RYR3: variants seen among roughly 807,000 people sequenced by gnomAD.
RYR3 encodes the protein brain ryanodine receptor-calcium release channel.
Under a neutral mutation model 584.3 loss-of-function variants are expected in RYR3, and 207 were observed. That is an observed-to-expected ratio of 0.35 (90% CI 0.32 to 0.40). RYR3 has a LOEUF of 0.40. RYR3 is among the 10% of genes least tolerant of loss of function. The pLI is 1.00. For synonymous variants in RYR3, 2,416 were observed against 2,248.5 expected (o/e 1.07, Z -2.11); for missense variants, 5,616 against 6,089.2 (o/e 0.92, Z 2.59).
chr15:33,738,549 G>A lies in RYR3; in HGVS notation c.7615G>A (p.Glu2539Lys). 1 of 1,613,978 alleles carries A rather than the reference G, an allele frequency of 6.2e-7. No homozygotes were observed. Among genetic ancestry groups the A allele is most frequent in the South Asian group, 1.1e-5 (1 of 91,082 alleles). Residue 2539 changes from glutamate to lysine, a missense_variant, in exon 50 of 104, where the codon GAG becomes AAG. Coordinates refer to ENST00000634891, the MANE Select transcript of RYR3 (RefSeq NM_001036.6). ...LAVEEELHLTEKLFWGIFDSL... is the reference protein window; with the variant it reads ...LAVEEELHLTKKLFWGIFDSL... ...TGTGGAAGAAGAGCTGCACCTAACGGAGAAGCTTTTCTGGGGGATTTTTGA... is the reference window on the plus strand; with the variant it reads ...TGTGGAAGAAGAGCTGCACCTAACGAAGAAGCTTTTCTGGGGGATTTTTGA...
chr15:33,527,090 C>T (rs534338260), intron 3 of RYR3, among the ~76,000 whole-genome samples: 17 of 152,176 alleles, frequency 1.1e-4, no homozygotes, highest in African/African-American at 3.9e-4. Flanking sequence ...GAGCGTGCTG[C>T]TGGCAGGTGA....
chr15:33,326,544 G>A (rs1470900699), intron 1 of RYR3, among the ~76,000 whole-genome samples: 1 of 152,174 alleles, frequency 6.6e-6, no homozygotes, highest in African/African-American at 2.4e-5. Flanking sequence ...TGAAAAGAGA[G>A]GGAACATTTG....
chr15:33,551,016 G>A (rs1363909991), intron 10 of RYR3, among the ~76,000 whole-genome samples: 3 of 152,174 alleles, frequency 2.0e-5, no homozygotes, highest in Non-Finnish European at 4.4e-5. Context: ...TGATGTGTAT[G>A]TAGACAACTA....
intron 69 of RYR3, among the ~76,000 whole-genome samples, chr15:33,806,703 C>A (rs537456714): frequency 1.6e-4 from 24 of 151,888 alleles, no homozygotes; most frequent in African/African-American, 5.5e-4. Flanking sequence ...TTTGGTGATT[C>A]TGAATCACTT....
At chr15:33,514,551 C>T (rs962664672) in intron 3 of RYR3, among the ~76,000 whole-genome samples, 1 of 151,844 alleles carries the variant, frequency 6.6e-6, no homozygotes, top group African/African-American at 2.4e-5. Flanking sequence ...TGGAGCCATT[C>T]CTTAAAATAC....
At chr15:33,716,832 A>C (rs17817542) in intron 43 of RYR3, among the ~76,000 whole-genome samples, 43,875 of 151,714 alleles carry the variant, frequency 0.29, 7,906 homozygotes, top group East Asian at 0.64. Context: ...GTAGTAAGTG[A>C]AGCCTGATAC....
At chr15:33,435,603 C>G (rs1263039149) in intron 1 of RYR3, among the ~76,000 whole-genome samples, 1 of 152,168 alleles carries the variant, frequency 6.6e-6, no homozygotes, top group Non-Finnish European at 1.5e-5. Flanking sequence ...TTGTGTCTCG[C>G]ATTTATTCCT....
chr15:33,336,701 GC>G lies in RYR3; in HGVS notation c.51+25606del, dbSNP rs758749284. Among the ~76,000 whole-genome samples, 25 of 151,746 alleles carry G rather than the reference GC, an allele frequency of 1.6e-4. No individual in the cohort carries two copies. In the East Asian group the frequency reaches 3.3e-3, roughly 20 times the overall value. ...GCTCCATGCAAAGGAGAAAGAAGAAGCTGTGCAGGGGAATCTAAGAATGCCT... is the reference window on the plus strand; with the variant it reads ...GCTCCATGCAAAGGAGAAAGAAGAAGTGTGCAGGGGAATCTAAGAATGCCT... On this transcript the variant is annotated intron_variant, in intron 1 of 103. Coordinates refer to ENST00000634891, the MANE Select transcript of RYR3 (RefSeq NM_001036.6).
At chr15:33,787,035 G>T (rs534348198) in intron 66 of RYR3, among the ~76,000 whole-genome samples, 1 of 152,260 alleles carries the variant, frequency 6.6e-6, no homozygotes, top group Non-Finnish European at 1.5e-5. Context: ...GGAAGGAAAG[G>T]TTTCAAAAAA....
intron 98 of RYR3, 33 bp downstream of exon 98, chr15:33,854,945 C>G (rs925668343): frequency 1.3e-6 from 2 of 1,580,894 alleles, no homozygotes; most frequent in Admixed American, 1.8e-5. Context: ...ACAGAATGGA[C>G]CTGTATATGC....
At chr15:33,739,782 A>G (rs768595883) in intron 50 of RYR3, 50 bp from the exon 51 acceptor site, 2 of 1,524,252 alleles carry the variant, frequency 1.3e-6, no homozygotes, top group East Asian at 4.5e-5. Context: ...TTCTGTCTAA[A>G]GGCATGGTTC....
At chr15:33,664,364 A>G (rs2063350160) in intron 36 of RYR3, among the ~76,000 whole-genome samples, 1 of 151,982 alleles carries the variant, frequency 6.6e-6, no homozygotes. Flanking sequence ...TCAAGATCCT[A>G]GTGAGAAATT....
At chr15:33,365,976 T>G (rs1312741112) in intron 1 of RYR3, among the ~76,000 whole-genome samples, 1 of 152,124 alleles carries the variant, frequency 6.6e-6, no homozygotes, top group Admixed American at 6.6e-5. Flanking sequence ...ATATCACCAG[T>G]TCATAAGGCA....
chr15:33,834,467 ATTTCT>A (rs1043646746), intron 86 of RYR3, among the ~76,000 whole-genome samples: 1 of 130,972 alleles, frequency 7.6e-6, no homozygotes, highest in African/African-American at 2.9e-5. Flanking sequence ...TATTACACAG[ATTTCT>A]TTTCTTTTTT....
At chr15:33,505,102 G>C (rs1046429177) in intron 3 of RYR3, among the ~76,000 whole-genome samples, 1 of 152,128 alleles carries the variant, frequency 6.6e-6, no homozygotes, top group East Asian at 1.9e-4. Flanking sequence ...GTTTGTTCTC[G>C]CTTGAAGTTG....
intron 72 of RYR3, among the ~76,000 whole-genome samples, chr15:33,812,096 T>G (rs2152947673): frequency 6.6e-6 from 1 of 152,216 alleles, no homozygotes; most frequent in Admixed American, 6.5e-5. Context: ...GGGACCTAAT[T>G]ACCCACACTA....
At chr15:33,563,211 A>G (rs1054742430) in intron 11 of RYR3, among the ~76,000 whole-genome samples, 1 of 152,202 alleles carries the variant, frequency 6.6e-6, no homozygotes, top group Non-Finnish European at 1.5e-5. Flanking sequence ...TCAATGGGGG[A>G]AAAAACAAAT....
At position 33,601,567 on chromosome 15, in the gene RYR3, A is replaced by G; in HGVS notation, c.1922+15A>G. 1 of 1,613,560 alleles carries G rather than the reference A, an allele frequency of 6.2e-7. No individual in the cohort carries two copies. The highest frequency in any genetic ancestry group is 8.5e-7 in the Non-Finnish European group (1 of 1,179,622). On this transcript the variant is annotated intron_variant, in intron 17 of 103. Coordinates refer to ENST00000634891, the MANE Select transcript of RYR3 (RefSeq NM_001036.6). ...GATGTAACCAGGTAAGGCCACCACC[A>G]CCATTCCAAATGCCAAGCATAGTTC...
intron 30 of RYR3, among the ~76,000 whole-genome samples, chr15:33,648,256 G>A (rs969326971): frequency 2.6e-5 from 4 of 152,180 alleles, no homozygotes; most frequent in African/African-American, 9.7e-5. Context: ...TTTGTCCAAA[G>A]TCACATGATG....
Sources: gnomAD v4.1 joint callset for allele counts (sites outside exome capture counted in the v4.1 genomes callset) on GRCh38, gnomAD v4.1.1 for gene constraint, MANE v1.5 for transcripts, NCBI Gene and HGNC (gene_info 2026-07-23, HGNC 2026-07-21) for gene names.